Variants in NPAS3 observed in about 807,000 individuals in gnomAD.
NPAS3 encodes the protein neuronal PAS domain protein 3, also known as neuronal PAS domain-containing protein 3.
NPAS3 carries 14 observed loss-of-function variants against 73.1 expected under a neutral mutation model. The ratio of observed to expected loss-of-function variants is 0.19; its 90% CI spans 0.13 to 0.30. The LOEUF (loss-of-function observed/expected upper bound fraction) is 0.30, where lower values mean the gene tolerates loss of function less well. Ranked by LOEUF, NPAS3 falls within the 10% of genes least tolerant of loss-of-function variation. The pLI is 1.00. For synonymous variants in NPAS3, 620 were observed against 541.5 expected, an observed-to-expected ratio of 1.14 and a Z score of -2.01; for missense variants, 1,096 against 1,250.0, an observed-to-expected ratio of 0.88 and a Z score of 1.86.
intron 6 of NPAS3, among the ~76,000 whole-genome samples, chr14:33,713,787 G>A (rs2140506962): frequency 6.6e-6 from 1 of 152,268 alleles, no homozygotes; most frequent in South Asian, 2.1e-4. Flanking sequence ...CATATTTAGA[G>A]TAAAATCCAA....
chr14:33,433,433 T>A (rs957725592), intron 4 of NPAS3, among the ~76,000 whole-genome samples: 2 of 152,164 alleles, frequency 1.3e-5, no homozygotes, highest in African/African-American at 4.8e-5. Context: ...GACCCTGAAT[T>A]ATTTAACCTC....
chr14:33,415,236 C>T (rs1478341755), intron 4 of NPAS3, among the ~76,000 whole-genome samples: 1 of 152,074 alleles, frequency 6.6e-6, no homozygotes, highest in African/African-American at 2.4e-5. Flanking sequence ...TTCTGTTAAC[C>T]TCATGAAGAG....
chr14:33,324,391 T>C (rs1012709015), intron 3 of NPAS3, among the ~76,000 whole-genome samples: 6 of 152,160 alleles, frequency 3.9e-5, no homozygotes, highest in African/African-American at 1.4e-4. Flanking sequence ...AATAACAAAG[T>C]CTTATAAAGC....
intron 4 of NPAS3, among the ~76,000 whole-genome samples, chr14:33,441,516 CAGTGAT>C (rs1397761210): frequency 6.6e-6 from 1 of 152,192 alleles, no homozygotes; most frequent in East Asian, 1.9e-4. Flanking sequence ...TGAATATTTC[CAGTGAT>C]AGCAAACTTG....
chr14:33,022,546 T>C (rs1374453056), intron 1 of NPAS3, among the ~76,000 whole-genome samples: 1 of 151,566 alleles, frequency 6.6e-6, no homozygotes, highest in Non-Finnish European at 1.5e-5. Context: ...GAGCCTGTAG[T>C]CCTAGCTGCT....
chr14:33,295,499 C>T (rs986599430), intron 3 of NPAS3, among the ~76,000 whole-genome samples: 12 of 152,136 alleles, frequency 7.9e-5, no homozygotes, highest in Non-Finnish European at 1.6e-4. Context: ...TCATACTCCT[C>T]AAGTTAAGGA....
intron 3 of NPAS3, among the ~76,000 whole-genome samples, chr14:33,311,511 A>G (rs748106825): frequency 7.2e-5 from 11 of 152,082 alleles, no homozygotes; most frequent in Non-Finnish European, 1.3e-4. Context: ...TTTTAATACT[A>G]CTGAACTTGT....
rs1352767141 is a variant in NPAS3 at position 33,215,099 on chromosome 14, A to G, written c.141-83A>G. 8 of 1,420,278 alleles carry G rather than the reference A, an allele frequency of 5.6e-6. No individual in the cohort carries two copies. The Admixed American group carries it at 1.7e-4, about 30-fold the overall frequency. The allele number at this position is 1,420,278 out of a possible 1,614,324, so 88.0% of individuals were successfully genotyped here. ...TTTTTGGTAGAATTTTGGTGGGAAA[A>G]AAGGAAATACAAAGAAAGCAGTATT... On this transcript the variant is annotated intron_variant, in intron 2 of 11. Transcript: ENST00000356141.
chr14:33,551,436 C>A (rs980278776), intron 4 of NPAS3, among the ~76,000 whole-genome samples: 4 of 152,194 alleles, frequency 2.6e-5, no homozygotes, highest in Non-Finnish European at 5.9e-5. Flanking sequence ...CATAATTAGC[C>A]ATAACAGAAG....
intron 5 of NPAS3, among the ~76,000 whole-genome samples, chr14:33,603,184 C>G (rs1056691512): frequency 6.6e-6 from 1 of 152,078 alleles, no homozygotes; most frequent in Non-Finnish European, 1.5e-5. Context: ...AGACTCAAAT[C>G]CTAACTTCTA....
chr14:33,296,666 G>A (rs1027400186), intron 3 of NPAS3, among the ~76,000 whole-genome samples: 2 of 152,156 alleles, frequency 1.3e-5, no homozygotes, highest in Non-Finnish European at 2.9e-5. Flanking sequence ...TAGAAATTTG[G>A]TGTCCTATGA....
intron 7 of NPAS3, among the ~76,000 whole-genome samples, chr14:33,743,060 G>A (rs1280985934): frequency 6.7e-6 from 1 of 150,342 alleles, no homozygotes; most frequent in African/African-American, 2.5e-5. Context: ...TCATCCATAA[G>A]GGTTAGAATA....
intron 5 of NPAS3, among the ~76,000 whole-genome samples, chr14:33,563,655 A>G (rs2055777821): frequency 6.6e-6 from 1 of 152,158 alleles, no homozygotes; most frequent in South Asian, 2.1e-4. Flanking sequence ...CTGTGTAAAA[A>G]TGATGCCCAG....
exon 12 of NPAS3, chr14:33,801,082 A>G (rs769552052): frequency 2.5e-6 from 4 of 1,591,470 alleles, no homozygotes; most frequent in South Asian, 2.3e-5. Context: ...TCCACGCGGC[A>G]CAGACTCTGG....
intron 2 of NPAS3, among the ~76,000 whole-genome samples, chr14:33,065,480 G>T (rs1018406253): frequency 9.9e-5 from 15 of 152,110 alleles, no homozygotes; most frequent in African/African-American, 3.4e-4. Context: ...AGAGAGGGCT[G>T]GGTCCTTCGA....
intron 2 of NPAS3, among the ~76,000 whole-genome samples, chr14:33,189,182 T>TGTAAA (rs2046082570): frequency 1.3e-5 from 2 of 152,166 alleles, no homozygotes; most frequent in African/African-American, 4.8e-5. Context: ...GCTTCTCCCT[T>TGTAAA]TTGGACCCAG....
At chr14:33,786,235 G>A (rs1438285080) in intron 9 of NPAS3, among the ~76,000 whole-genome samples, 1 of 152,194 alleles carries the variant, frequency 6.6e-6, no homozygotes, top group Non-Finnish European at 1.5e-5. Flanking sequence ...CTGCTACATG[G>A]AAGAATCTAT....
At chr14:33,142,112 G>A (rs1045440978) in intron 2 of NPAS3, among the ~76,000 whole-genome samples, 1 of 150,172 alleles carries the variant, frequency 6.7e-6, no homozygotes, top group African/African-American at 2.4e-5. Flanking sequence ...GGTTATTAAG[G>A]CTGTAACATT....
At chr14:33,756,532 G>A (rs1412639173) in intron 7 of NPAS3, among the ~76,000 whole-genome samples, 1 of 152,216 alleles carries the variant, frequency 6.6e-6, no homozygotes, top group Non-Finnish European at 1.5e-5. Context: ...TGAGCTTGGA[G>A]GAATGTCAGA....
Sources: allele counts gnomAD v4.1 joint callset (sites outside exome capture counted in the v4.1 genomes callset), GRCh38; gene constraint gnomAD v4.1.1; transcripts MANE v1.5; gene names NCBI Gene and HGNC (gene_info 2026-07-23, HGNC 2026-07-21).